Variants in FGGY observed in about 807,000 individuals in gnomAD.
The protein encoded by FGGY is FGGY carbohydrate kinase domain containing.
In FGGY, 72 loss-of-function variants were observed where a neutral mutation model predicts 71.3. The observed-to-expected ratio is 1.01, with a 90% CI of 0.84 to 1.23. The LOEUF is 1.23. FGGY is among the 50% of genes most tolerant of loss of function. The probability of loss-of-function intolerance (pLI) is 0.00; values close to 1 mark genes in which losing one functional copy is unlikely to be tolerated. For synonymous variants in FGGY, 251 were observed against 250.3 expected (o/e 1.00, Z -0.02); for missense variants, 668 against 682.3 (o/e 0.98, Z 0.23).
chr1:59,370,060 T>C (rs980884339), intron 4 of FGGY, among the ~76,000 whole-genome samples: 5 of 152,132 alleles, frequency 3.3e-5, no homozygotes, highest in African/African-American at 1.2e-4. Context: ...CAAAGCTGGA[T>C]GGAGAATGAC....
rs549569686 is a variant in FGGY, at chr1:59,307,811, A to G, written c.-15+10661A>G. 7.9e-5 allele frequency among the ~76,000 whole-genome samples: 12 copies of G among 152,280 alleles called. No homozygotes were observed. In the South Asian group the frequency reaches 2.5e-3, roughly 32 times the overall value. On this transcript the variant is annotated intron_variant, in intron 1 of 15. Transcript: ENST00000303721. ...TTACCTCAAAATTCCCCTCAAAGAC[A>G]GTTTGTGAAGAAGCCCCAGCTCCCT...
chr1:59,305,006 A>G (rs758042837), intron 1 of FGGY, among the ~76,000 whole-genome samples: 12 of 152,240 alleles, frequency 7.9e-5, no homozygotes, highest in Admixed American at 1.3e-4. Flanking sequence ...TCATCTGTAA[A>G]CAGACAATGT....
At position 59,722,757 on chromosome 1, in the gene FGGY, G is replaced by T. The variant is rs561831752; in HGVS notation, c.1513-35174G>T. Among the ~76,000 whole-genome samples, 3 of 152,244 alleles carry T rather than the reference G, an allele frequency of 2.0e-5. No homozygotes were observed. The South Asian group carries it at 6.2e-4, about 32-fold the overall frequency. On this transcript the variant is annotated intron_variant, in intron 14 of 15. Transcript: ENST00000303721. The stretch of plus-strand genomic sequence containing the variant: ...GTGCATATTTCCTGCTCCAGTTCTG[G>T]AATCAGCCATTTCTCCAAAGAGTCT...
At chr1:59,421,985 C>A (rs1434673832) in intron 5 of FGGY, among the ~76,000 whole-genome samples, 1 of 152,150 alleles carries the variant, frequency 6.6e-6, no homozygotes, top group Non-Finnish European at 1.5e-5. Context: ...TTGGAGTCAG[C>A]CCTTGGCTTT....
chr1:59,534,324 G>A (rs2095252231), intron 7 of FGGY, among the ~76,000 whole-genome samples: 1 of 152,140 alleles, frequency 6.6e-6, no homozygotes. Context: ...AGAAATATGG[G>A]ACTATGTGAA....
chr1:59,602,659 C>T (rs1349111002), intron 8 of FGGY, among the ~76,000 whole-genome samples: 1 of 152,186 alleles, frequency 6.6e-6, no homozygotes, highest in Non-Finnish European at 1.5e-5. Flanking sequence ...GTCTACATGA[C>T]TGTTTCTGCC....
At chr1:59,757,415 A>G (rs1180973257) in intron 14 of FGGY, among the ~76,000 whole-genome samples, 2 of 152,220 alleles carry the variant, frequency 1.3e-5, no homozygotes, top group African/African-American at 4.8e-5. Flanking sequence ...AGGTCTCAGT[A>G]TGTACTCACA....
rs549993838 is a variant in FGGY at position 59,426,319 on chromosome 1, C to G, written c.555-30642C>G. Among the ~76,000 whole-genome samples, 26 of 152,090 alleles carry G rather than the reference C, an allele frequency of 1.7e-4. 1 individual carries two copies. In the South Asian group the frequency reaches 5.4e-3, roughly 32 times the overall value. On this transcript the variant is annotated intron_variant, in intron 5 of 15. Coordinates refer to ENST00000303721, the MANE Select transcript of FGGY (RefSeq NM_018291.5). Reference sequence around the variant, plus strand: ...ATTGGGGCAGAGGAATTGCGGAGCTCCATGGCATAGAGGGTCCTGGAAGGC... The same window carrying G: ...ATTGGGGCAGAGGAATTGCGGAGCTGCATGGCATAGAGGGTCCTGGAAGGC...
At chr1:59,502,841 C>G (rs1231634985) in intron 6 of FGGY, among the ~76,000 whole-genome samples, 1 of 152,148 alleles carries the variant, frequency 6.6e-6, no homozygotes, top group African/African-American at 2.4e-5. Flanking sequence ...ATTCAAAATC[C>G]CGTGTCTCTG....
chr1:59,476,706 C>T (rs574228836), intron 6 of FGGY, among the ~76,000 whole-genome samples: 11 of 152,314 alleles, frequency 7.2e-5, no homozygotes, highest in Admixed American at 2.6e-4. Flanking sequence ...AAATTACCTG[C>T]CCAATGTCAA....
At chr1:59,431,220 G>A (rs974125721) in intron 5 of FGGY, among the ~76,000 whole-genome samples, 2 of 152,032 alleles carry the variant, frequency 1.3e-5, no homozygotes, top group South Asian at 2.1e-4. Flanking sequence ...ATGTAAATCT[G>A]ATATTATTTA....
At chr1:59,590,309 C>T (rs1426813823) in intron 8 of FGGY, among the ~76,000 whole-genome samples, 1 of 152,240 alleles carries the variant, frequency 6.6e-6, no homozygotes, top group East Asian at 1.9e-4. Context: ...GCTTACCAAC[C>T]AAAAAGAGTC....
At chr1:59,421,118 G>C (rs1376115526) in intron 5 of FGGY, among the ~76,000 whole-genome samples, 1 of 152,122 alleles carries the variant, frequency 6.6e-6, no homozygotes, top group East Asian at 1.9e-4. Context: ...CAGTTTCTTT[G>C]ATTAACAAAA....
chr1:59,718,222 A>T (rs1414263673), intron 14 of FGGY, among the ~76,000 whole-genome samples: 2 of 152,230 alleles, frequency 1.3e-5, no homozygotes, highest in African/African-American at 4.8e-5. Flanking sequence ...CCTAATTCTG[A>T]TCCAGACATT....
intron 9 of FGGY, among the ~76,000 whole-genome samples, chr1:59,615,434 G>A (rs927648054): frequency 6.6e-6 from 1 of 152,154 alleles, no homozygotes; most frequent in East Asian, 1.9e-4. Context: ...GGGAAAACTG[G>A]CTAGCCATAT....
At chr1:59,504,370 A>G (rs2094321806) in intron 6 of FGGY, among the ~76,000 whole-genome samples, 1 of 123,886 alleles carries the variant, frequency 8.1e-6, no homozygotes, top group Non-Finnish European at 1.7e-5. Context: ...CCAGTAGTTC[A>G]GAAGTTGTGG....
chr1:59,436,596 G>C (rs1557918043), intron 5 of FGGY, among the ~76,000 whole-genome samples: 1 of 152,178 alleles, frequency 6.6e-6, no homozygotes, highest in Non-Finnish European at 1.5e-5. Flanking sequence ...TGAATAAATT[G>C]CTGGATGAAT....
At chr1:59,657,106 T>G (rs868785833) in intron 11 of FGGY, among the ~76,000 whole-genome samples, 8 of 152,232 alleles carry the variant, frequency 5.3e-5, no homozygotes, top group Non-Finnish European at 1.0e-4. Flanking sequence ...TTCTTCTCTC[T>G]TATGGATTCT....
rs567953171 is a variant in FGGY at position 59,538,853 on chromosome 1, G to C, written c.800-15271G>C. 9.3e-5 allele frequency among the ~76,000 whole-genome samples: 11 copies of C among 118,672 alleles called. 1 individual carries two copies. In the South Asian group the frequency reaches 3.9e-3, roughly 42 times the overall value. 77.9% of individuals were successfully genotyped at this position (118,672 alleles called of 152,430 possible). A position where few individuals can be genotyped will look rare whatever the true frequency, so the allele number is the denominator to read the frequency against. On this transcript the variant is annotated intron_variant, in intron 7 of 15. Coordinates refer to ENST00000303721, the MANE Select transcript of FGGY (RefSeq NM_018291.5). ...CACTTTGGGGACTGTTGTGGGGTGG[G>C]GGGAGGGGGGAGGGATAGCATTGGG...
Sources: gnomAD v4.1 joint callset for allele counts (sites outside exome capture counted in the v4.1 genomes callset) on GRCh38, gnomAD v4.1.1 for gene constraint, MANE v1.5 for transcripts, NCBI Gene and HGNC (gene_info 2026-07-23, HGNC 2026-07-21) for gene names.